The following LRP1B variants were observed in gnomAD, a reference collection of about 807,000 sequenced individuals.
LRP1B encodes low-density lipoprotein receptor-related protein 1B.
Under a neutral mutation model 556.6 loss-of-function variants are expected in LRP1B, and 217 were observed. The observed-to-expected ratio is 0.39, with a 90% confidence interval of 0.35 to 0.44. The LOEUF is 0.44. LRP1B is among the 20% of genes least tolerant of loss of function. LRP1B has a pLI of 1.00. For missense variants in LRP1B, 5,053 were observed against 5,620.8 expected (o/e 0.90, Z 3.23); for synonymous variants, 2,047 against 1,865.8 (o/e 1.10, Z -2.50).
At chr2:142,126,523 C>CA (rs1707662078) in intron 1 of LRP1B, among the ~76,000 whole-genome samples, 1 of 151,782 alleles carries the variant, frequency 6.6e-6, no homozygotes, top group South Asian at 2.1e-4. Flanking sequence ...ATCATGTTGG[C>CA]ACAGGCATGT....
rs564700747 is a variant in LRP1B, at chr2:141,109,392, G to A, written c.1014-47119C>T. ...GGAAGTAAGCAAGATGAACCCACTG[G>A]CAGTTACACTTCCCCAGTCTTTTAA... On this transcript the variant is annotated intron_variant, in intron 7 of 90. Transcript: ENST00000389484. 3.3e-5 allele frequency among the ~76,000 whole-genome samples: 5 copies of A among 152,154 alleles called. No individual in the cohort carries two copies. In the East Asian group the frequency reaches 9.7e-4, roughly 29 times the overall value.
chr2:141,350,777 C>T (rs972935341), intron 3 of LRP1B, among the ~76,000 whole-genome samples: 8 of 151,922 alleles, frequency 5.3e-5, no homozygotes, highest in African/African-American at 1.9e-4. Flanking sequence ...TTTGCACTTG[C>T]CTGATCAAGT....
chr2:141,229,431 T>A lies in LRP1B; in HGVS notation c.602A>T (p.Asp201Val). Residue 201 changes from aspartate to valine, a missense_variant, in exon 6 of 91, where the codon GAT becomes GTT. By Grantham distance (152) the Asp-to-Val change is radical. Coordinates refer to ENST00000389484, the MANE Select transcript of LRP1B (RefSeq NM_018557.3). The part of the protein sequence containing the change: ...RSCKAKIEPT[D>V]RPPILLIANF... ...TGCAATTAATAGTATAGGTGGTCTA[T>A]CTGTAGGTTCTGGAATAAAATAGAA... 1 of 1,557,892 alleles carries A rather than the reference T, an allele frequency of 6.4e-7. No homozygotes were observed. The highest frequency in any genetic ancestry group is 8.8e-7 in the Non-Finnish European group (1 of 1,138,454).
At chr2:141,963,646 G>A (rs2105059766) in intron 1 of LRP1B, among the ~76,000 whole-genome samples, 1 of 151,306 alleles carries the variant, frequency 6.6e-6, no homozygotes, top group South Asian at 2.1e-4. Flanking sequence ...CATACTGAAT[G>A]GGCAAAAACT....
At chr2:141,452,402 G>T (rs1235322561) in intron 3 of LRP1B, among the ~76,000 whole-genome samples, 1 of 152,102 alleles carries the variant, frequency 6.6e-6, no homozygotes, top group East Asian at 1.9e-4. Flanking sequence ...TGTATTTCTT[G>T]AAGAGAGAAT....
intron 29 of LRP1B, among the ~76,000 whole-genome samples, chr2:140,847,126 T>G (rs1336793470): frequency 6.6e-6 from 1 of 152,146 alleles, no homozygotes. Flanking sequence ...CCCAGCCTAG[T>G]CTAGGCTTCT....
At chr2:140,469,347 T>C (rs1431677546) in intron 60 of LRP1B, among the ~76,000 whole-genome samples, 1 of 152,170 alleles carries the variant, frequency 6.6e-6, no homozygotes, top group African/African-American at 2.4e-5. Context: ...AAGCAGACAG[T>C]GAGCCCTTTA....
intron 11 of LRP1B, among the ~76,000 whole-genome samples, chr2:141,038,490 A>G (rs529770708): frequency 8.5e-5 from 13 of 152,228 alleles, no homozygotes; most frequent in African/African-American, 3.1e-4. Context: ...GGTAAAAATA[A>G]AGTTATGCCT....
intron 1 of LRP1B, among the ~76,000 whole-genome samples, chr2:141,841,769 G>C (rs1212742262): frequency 1.3e-5 from 2 of 152,108 alleles, no homozygotes; most frequent in Non-Finnish European, 1.5e-5. Context: ...ATGGGTTATT[G>C]ACAGGTCCTC....
intron 79 of LRP1B, among the ~76,000 whole-genome samples, chr2:140,329,305 T>C (rs577367590): frequency 6.6e-6 from 1 of 152,112 alleles, no homozygotes; most frequent in Non-Finnish European, 1.5e-5. Flanking sequence ...AATAGGCAAA[T>C]GCTGGAAACA....
chr2:142,086,408 G>T (rs1574668970), intron 1 of LRP1B, among the ~76,000 whole-genome samples: 1 of 152,102 alleles, frequency 6.6e-6, no homozygotes, highest in African/African-American at 2.4e-5. Context: ...CAGAGATAGA[G>T]ACCATCCTGG....
intron 86 of LRP1B, among the ~76,000 whole-genome samples, chr2:140,266,994 AG>A (rs1682235207): frequency 6.6e-6 from 1 of 152,088 alleles, no homozygotes; most frequent in African/African-American, 2.4e-5. Flanking sequence ...AGAATTGAAC[AG>A]GACTGGTCTG....
intron 1 of LRP1B, among the ~76,000 whole-genome samples, chr2:141,937,313 A>G (rs1700661035): frequency 1.3e-5 from 2 of 151,918 alleles, no homozygotes; most frequent in Admixed American, 1.3e-4. Context: ...AGGAGGTGGA[A>G]GGCGGAGTTT....
chr2:141,916,516 C>A (rs1387378114), intron 1 of LRP1B, among the ~76,000 whole-genome samples: 3 of 150,898 alleles, frequency 2.0e-5, no homozygotes, highest in Admixed American at 1.3e-4. Context: ...AGGCACCCGC[C>A]ACCATGCCTG....
intron 5 of LRP1B, among the ~76,000 whole-genome samples, chr2:141,244,587 T>C (rs567712143): frequency 6.6e-6 from 1 of 152,308 alleles, no homozygotes; most frequent in South Asian, 2.1e-4. Flanking sequence ...GCCACATTAC[T>C]GTATAACAAA....
At chr2:140,615,872 A>G (rs556113662) in intron 41 of LRP1B, among the ~76,000 whole-genome samples, 1 of 152,094 alleles carries the variant, frequency 6.6e-6, no homozygotes, top group South Asian at 2.1e-4. Flanking sequence ...AAGATTCTAT[A>G]CTTATCTTGC....
chr2:141,450,342 C>T (rs114839978), intron 3 of LRP1B, among the ~76,000 whole-genome samples: 1,738 of 152,180 alleles, frequency 0.011, 34 homozygotes, highest in African/African-American at 0.038. Context: ...CTTTGCAATT[C>T]TTTGATCTTG....
intron 6 of LRP1B, among the ~76,000 whole-genome samples, chr2:141,206,131 TCACA>T (rs10556736): frequency 0.14 from 20,819 of 149,306 alleles, 2,136 homozygotes; most frequent in East Asian, 0.52. Flanking sequence ...AGTGTACTAT[TCACA>T]CACACACACA....
intron 1 of LRP1B, among the ~76,000 whole-genome samples, chr2:141,876,756 T>C (rs1698773677): frequency 6.6e-6 from 1 of 151,938 alleles, no homozygotes; most frequent in African/African-American, 2.4e-5. Context: ...TGGCTTTCCA[T>C]ATGCATTTGT....
Sources: gnomAD v4.1 joint callset for allele counts (sites outside exome capture counted in the v4.1 genomes callset) on GRCh38, gnomAD v4.1.1 for gene constraint, MANE v1.5 for transcripts, NCBI Gene and HGNC (gene_info 2026-07-23, HGNC 2026-07-21) for gene names.